Variants in TLL1 observed in about 807,000 individuals in gnomAD.
TLL1 encodes the protein tolloid-like protein 1.
TLL1 carries 49 observed loss-of-function variants against 128.2 expected under a neutral mutation model. The ratio of observed to expected loss-of-function variants is 0.38; its 90% CI spans 0.30 to 0.48. TLL1 has a LOEUF of 0.48. TLL1 is among the 20% of genes least tolerant of loss of function. The pLI is 0.96. For synonymous variants in TLL1, 454 were observed against 418.8 expected (o/e 1.08, Z -1.03); for missense variants, 1,123 against 1,242.0 (o/e 0.90, Z 1.44).
intron 1 of TLL1, among the ~76,000 whole-genome samples, chr4:165,956,208 A>G (rs1435813074): frequency 6.6e-6 from 1 of 152,140 alleles, no homozygotes; most frequent in African/African-American, 2.4e-5. Context: ...GTCTCTGTTC[A>G]GTGGTGCACG....
intron 1 of TLL1, among the ~76,000 whole-genome samples, chr4:165,968,043 G>A (rs1036109029): frequency 6.6e-5 from 10 of 152,116 alleles, no homozygotes; most frequent in African/African-American, 9.7e-5. Context: ...TACAAGGGGC[G>A]AACCACCCTC....
intron 1 of TLL1, among the ~76,000 whole-genome samples, chr4:165,981,029 T>G (rs887276324): frequency 6.6e-6 from 1 of 152,132 alleles, no homozygotes; most frequent in Admixed American, 6.6e-5. Context: ...TATGAAATTT[T>G]AGGCCCAATT....
rs576949679 is a variant in TLL1 at position 165,948,048 on chromosome 4, G to A, written c.170-41333G>A. Among the ~76,000 whole-genome samples the A allele has an allele frequency of 3.0e-4, 45 of 152,260 alleles. No individual in the cohort carries two copies. In the South Asian group the frequency reaches 4.3e-3, roughly 15 times the overall value. On this transcript the variant is annotated intron_variant, in intron 1 of 20. Coordinates refer to ENST00000061240, the MANE Select transcript of TLL1 (RefSeq NM_012464.5). Reference sequence around the variant, plus strand: ...GAGGGCAGAGTAGCTTGCCCAAATCGTGGCATTTTGAGCCTAAAGGATAGA... The same window carrying A: ...GAGGGCAGAGTAGCTTGCCCAAATCATGGCATTTTGAGCCTAAAGGATAGA...
intron 8 of TLL1, among the ~76,000 whole-genome samples, chr4:166,025,095 CTT>C (rs1738431123): frequency 6.6e-6 from 1 of 152,066 alleles, no homozygotes; most frequent in African/African-American, 2.4e-5. Context: ...CATTATTTCT[CTT>C]ATAATCTTAT....
intron 1 of TLL1, among the ~76,000 whole-genome samples, chr4:165,964,236 A>G (rs1186883208): frequency 6.6e-6 from 1 of 152,210 alleles, no homozygotes; most frequent in Non-Finnish European, 1.5e-5. Flanking sequence ...TATCTTCATC[A>G]GTTTTTCAAA....
At chr4:166,092,985 G>A (rs1995126) in intron 19 of TLL1, among the ~76,000 whole-genome samples, 112,904 of 151,822 alleles carry the variant, frequency 0.74, 42,039 homozygotes, top group East Asian at 0.87. Flanking sequence ...ACTTCTGCCC[G>A]TGCACGCCAT....
intron 9 of TLL1, among the ~76,000 whole-genome samples, chr4:166,034,676 G>C (rs1373364687): frequency 2.0e-5 from 3 of 152,026 alleles, no homozygotes; most frequent in Non-Finnish European, 1.5e-5. Flanking sequence ...GTATTTTTAG[G>C]GATATTATAG....
intron 1 of TLL1, among the ~76,000 whole-genome samples, chr4:165,980,737 A>G (rs556517580): frequency 2.6e-5 from 4 of 152,170 alleles, no homozygotes; most frequent in African/African-American, 7.2e-5. Context: ...TTTAAAATGG[A>G]CTTTAAGTTG....
At position 166,103,786 on chromosome 4, in the gene TLL1, C is replaced by T. The variant is rs1348750558; in HGVS notation, c.*2910C>T. ...ATTTTTTAAATTATTTTCCACCCTA[C>T]ATCAGTATATTGGTTGTGCTTTATA... On this transcript the variant is annotated 3_prime_UTR_variant, in exon 21 of 21. Transcript: ENST00000061240. 2 of 150,060 alleles carry T rather than the reference C, an allele frequency of 1.3e-5. No individual in the cohort carries two copies. The highest frequency in any genetic ancestry group is 3.0e-5 in the Non-Finnish European group (2 of 67,652). 9.3% of individuals were successfully genotyped at this position (150,060 alleles called of 1,614,324 possible). A position where few individuals can be genotyped will look rare whatever the true frequency, so the allele number is the denominator to read the frequency against.
intron 18 of TLL1, among the ~76,000 whole-genome samples, chr4:166,084,044 C>T (rs190461722): frequency 4.3e-4 from 66 of 152,252 alleles, no homozygotes; most frequent in African/African-American, 1.4e-3. Context: ...TCCTCACCAA[C>T]ACTCGTTATC....
At chr4:166,044,018 C>T (rs574133610) in intron 12 of TLL1, among the ~76,000 whole-genome samples, 1 of 151,958 alleles carries the variant, frequency 6.6e-6, no homozygotes, top group Non-Finnish European at 1.5e-5. Flanking sequence ...CACGCTGGCC[C>T]GTGAGTCATT....
At chr4:166,026,464 A>G (rs1473495944) in intron 9 of TLL1, among the ~76,000 whole-genome samples, 1 of 152,188 alleles carries the variant, frequency 6.6e-6, no homozygotes, top group Non-Finnish European at 1.5e-5. Flanking sequence ...AGGAGGGTGG[A>G]TCACCTGAGA....
chr4:166,035,966 T>C (rs1160448793), intron 9 of TLL1, among the ~76,000 whole-genome samples: 1 of 152,210 alleles, frequency 6.6e-6, no homozygotes, highest in Non-Finnish European at 1.5e-5. Context: ...GAAAGTTTAC[T>C]AGACTTGTGC....
At chr4:165,953,568 A>G (rs115119728) in intron 1 of TLL1, among the ~76,000 whole-genome samples, 80,959 of 123,076 alleles carry the variant, frequency 0.66, 24,950 homozygotes, top group Admixed American at 0.73. Context: ...TTCATTTAGA[A>G]AAAAAAAAAA....
At chr4:165,970,802 T>C (rs1029086963) in intron 1 of TLL1, among the ~76,000 whole-genome samples, 5 of 152,162 alleles carry the variant, frequency 3.3e-5, no homozygotes, top group African/African-American at 1.2e-4. Flanking sequence ...TTGACACTGA[T>C]ACGTGCAAAA....
chr4:166,061,059 C>T (rs1196936829), intron 15 of TLL1, among the ~76,000 whole-genome samples: 4 of 152,004 alleles, frequency 2.6e-5, no homozygotes, highest in Admixed American at 6.6e-5. Flanking sequence ...AATATTTTGT[C>T]TTTGATGTAC....
At chr4:166,065,012 A>G (rs1740506445) in intron 15 of TLL1, among the ~76,000 whole-genome samples, 1 of 152,072 alleles carries the variant, frequency 6.6e-6, no homozygotes, top group African/African-American at 2.4e-5. Flanking sequence ...TATTATGGAA[A>G]CATCTGTTAG....
chr4:165,950,079 A>G (rs1488863012), intron 1 of TLL1, among the ~76,000 whole-genome samples: 8 of 152,130 alleles, frequency 5.3e-5, no homozygotes, highest in Admixed American at 5.2e-4. Context: ...GGATGGAAAA[A>G]ATATACCACA....
intron 1 of TLL1, among the ~76,000 whole-genome samples, chr4:165,933,965 G>A (rs995163317): frequency 2.6e-5 from 4 of 151,942 alleles, no homozygotes; most frequent in Non-Finnish European, 4.4e-5. Flanking sequence ...AAATTCCTCT[G>A]TGTCTCATCC....
Sources: gnomAD v4.1 joint callset for allele counts (sites outside exome capture counted in the v4.1 genomes callset) on GRCh38, gnomAD v4.1.1 for gene constraint, MANE v1.5 for transcripts, NCBI Gene and HGNC (gene_info 2026-07-23, HGNC 2026-07-21) for gene names.